Variants in RGS6 observed in about 807,000 individuals in gnomAD.
RGS6 encodes the protein regulator of G protein signaling 6.
RGS6 carries 30 observed loss-of-function variants against 78.5 expected under a neutral mutation model. That is an observed-to-expected ratio of 0.38 (90% CI 0.29 to 0.52). RGS6 has a LOEUF of 0.52. RGS6 is among the 20% of genes least tolerant of loss of function. The pLI, the probability that RGS6 is intolerant of heterozygous loss-of-function variation, is 0.85. For synonymous variants in RGS6, 206 were observed against 206.0 expected (o/e 1.00, Z 0.00); for missense variants, 495 against 609.7 (o/e 0.81, Z 1.98).
rs146706611 is a variant in RGS6 at position 72,199,394 on chromosome 14, T to A, written c.85-152701T>A. ...ACTTTGCATCTAGTTGTGTTAGTTTTGTGTACATTGATGCAACATTGCAAT... is the reference window on the plus strand; with the variant it reads ...ACTTTGCATCTAGTTGTGTTAGTTTAGTGTACATTGATGCAACATTGCAAT... On this transcript the variant is annotated intron_variant, in intron 2 of 17. Transcript: ENST00000553525. 3.5e-3 allele frequency among the ~76,000 whole-genome samples: 532 copies of A among 152,362 alleles called. 4 individuals are homozygous for A. The highest frequency in any genetic ancestry group is 0.012 in the African/African-American group (516 of 41,592).
chr14:71,899,328 A>G, the RGS6 span, among the ~76,000 whole-genome samples: 32 of 152,306 alleles, frequency 2.1e-4, no homozygotes, highest in South Asian at 6.2e-3. Context: ...TCCCTGTATT[A>G]TTAGCAGGGT....
At chr14:72,615,400 A>C in the RGS6 span, among the ~76,000 whole-genome samples, 11 of 151,804 alleles carry the variant, frequency 7.2e-5, no homozygotes, top group Admixed American at 3.3e-4. Flanking sequence ...CAATCATCTC[A>C]TTTTTCTTCC....
chr14:71,918,644 T>C, the RGS6 span, among the ~76,000 whole-genome samples: 1 of 152,216 alleles, frequency 6.6e-6, no homozygotes, highest in Non-Finnish European at 1.5e-5. Flanking sequence ...AACAAAGCTC[T>C]CCTACTTTCT....
In RGS6 at chr14:71,949,431, CT is replaced by C. The variant is rs1359418879; in HGVS notation, c.-20-15336del. Among the ~76,000 whole-genome samples, 12 of 151,940 alleles carry C rather than the reference CT, an allele frequency of 7.9e-5. No homozygotes were observed. The South Asian group carries it at 1.5e-3, about 18-fold the overall frequency. ...TTTCTGGTGACTGATGATGATGTGCCTTTTTAATTTTTTTTTGCCACTTTTA... is the reference window on the plus strand; with the variant it reads ...TTTCTGGTGACTGATGATGATGTGCCTTTTAATTTTTTTTTGCCACTTTTA... On this transcript the variant is annotated intron_variant, in intron 1 of 17. Transcript: ENST00000553525.
At chr14:72,042,658 A>G (rs1452718227) in intron 2 of RGS6, among the ~76,000 whole-genome samples, 2 of 150,382 alleles carry the variant, frequency 1.3e-5, no homozygotes, top group Non-Finnish European at 3.0e-5. Flanking sequence ...TTTTTTTTTC[A>G]TGTTAAACAT....
At chr14:71,967,355 T>C (rs2093585720) in intron 2 of RGS6, among the ~76,000 whole-genome samples, 1 of 152,150 alleles carries the variant, frequency 6.6e-6, no homozygotes. Flanking sequence ...ACTTAAACCA[T>C]GGTTGTACTT....
At chr14:71,909,576 T>TAGAGCGAG in the RGS6 span, among the ~76,000 whole-genome samples, 998 of 146,122 alleles carry the variant, frequency 6.8e-3, 11 homozygotes, top group African/African-American at 0.024. Flanking sequence ...AATAAGGACA[T>TAGAGCGAG]AGAGAGAGGG....
chr14:71,875,683 C>G, the RGS6 span, among the ~76,000 whole-genome samples: 1 of 152,250 alleles, frequency 6.6e-6, no homozygotes, highest in Admixed American at 6.5e-5. Flanking sequence ...TTGCCTTCTG[C>G]TAGCTTTTGA....
At chr14:72,197,909 G>C (rs912040327) in intron 2 of RGS6, among the ~76,000 whole-genome samples, 13 of 151,912 alleles carry the variant, frequency 8.6e-5, no homozygotes, top group African/African-American at 2.9e-4. Flanking sequence ...TGCTCTTAAA[G>C]TAGCTATAGC....
At chr14:72,519,174 T>C (rs1367839665) in intron 15 of RGS6, among the ~76,000 whole-genome samples, 1 of 152,212 alleles carries the variant, frequency 6.6e-6, no homozygotes, top group Non-Finnish European at 1.5e-5. Context: ...CTCCCAACCC[T>C]GTAGGACACA....
chr14:72,027,843 A>C (rs1438679158), intron 2 of RGS6, among the ~76,000 whole-genome samples: 2 of 152,188 alleles, frequency 1.3e-5, no homozygotes, highest in East Asian at 3.8e-4. Context: ...TGCCAACCAG[A>C]AGACTGGAAT....
intron 1 of RGS6, among the ~76,000 whole-genome samples, chr14:71,963,045 C>G (rs1394256710): frequency 6.6e-6 from 1 of 152,184 alleles, no homozygotes; most frequent in Non-Finnish European, 1.5e-5. Flanking sequence ...ATACTCTGCT[C>G]TCATACTCAG....
the RGS6 span, among the ~76,000 whole-genome samples, chr14:71,894,297 A>G: frequency 6.6e-6 from 1 of 152,212 alleles, no homozygotes; most frequent in Non-Finnish European, 1.5e-5. Flanking sequence ...CAGACTTGGG[A>G]GCATCCAGAT....
intron 2 of RGS6, among the ~76,000 whole-genome samples, chr14:72,244,350 G>GC (rs2053675297): frequency 6.6e-6 from 1 of 150,414 alleles, no homozygotes; most frequent in Non-Finnish European, 1.5e-5. Flanking sequence ...TGAACGAACA[G>GC]CCCACACTTT....
intron 4 of RGS6, among the ~76,000 whole-genome samples, chr14:72,456,404 C>T (rs1379939740): frequency 6.6e-6 from 1 of 152,240 alleles, no homozygotes; most frequent in Non-Finnish European, 1.5e-5. Flanking sequence ...CATCTTCCAC[C>T]TCAGTCTCCC....
intron 10 of RGS6, among the ~76,000 whole-genome samples, chr14:72,474,961 A>G (rs2153342523): frequency 7.0e-6 from 1 of 142,516 alleles, no homozygotes; most frequent in Middle Eastern, 3.6e-3. Flanking sequence ...ATGCTGTGTT[A>G]GGAGAGGTAC....
At chr14:71,867,924 G>C in the RGS6 span, among the ~76,000 whole-genome samples, 2 of 152,240 alleles carry the variant, frequency 1.3e-5, no homozygotes, top group East Asian at 3.9e-4. Context: ...AGATGTGATC[G>C]CTCCTCTTAA....
intron 6 of RGS6, among the ~76,000 whole-genome samples, chr14:72,460,850 C>A (rs2095759239): frequency 6.6e-6 from 1 of 151,950 alleles, no homozygotes; most frequent in African/African-American, 2.4e-5. Context: ...GGATAAGATA[C>A]AACCTTGGAG....
chr14:72,554,470 C>T (rs1417138296), intron 17 of RGS6, among the ~76,000 whole-genome samples: 1 of 152,372 alleles, frequency 6.6e-6, no homozygotes, highest in East Asian at 1.9e-4. Flanking sequence ...GTAGCATCAA[C>T]TTGTTGCCAA....
Sources: allele counts gnomAD v4.1 joint callset (sites outside exome capture counted in the v4.1 genomes callset), GRCh38; gene constraint gnomAD v4.1.1; transcripts MANE v1.5; gene names NCBI Gene and HGNC (gene_info 2026-07-23, HGNC 2026-07-21).